The following HIRA variants were observed in gnomAD, a reference collection of about 807,000 sequenced individuals.
HIRA encodes histone cell cycle regulator.
Under a neutral mutation model 126.6 loss-of-function variants are expected in HIRA, and 13 were observed. The observed-to-expected ratio is 0.10, with a 90% CI of 0.07 to 0.16. The LOEUF is 0.16. Ranked by LOEUF, HIRA falls within the 10% of genes least tolerant of loss-of-function variation. The pLI is 1.00. For synonymous variants in HIRA, 511 were observed against 520.0 expected, an observed-to-expected ratio of 0.98 and a Z score of 0.24; for missense variants, 834 against 1,314.4, an observed-to-expected ratio of 0.63 and a Z score of 5.65.
Position 19,353,387 on chromosome 22 carries a change from G to A in HIRA, c.2817C>T (p.Leu939=), listed in dbSNP as rs1569292591. The part of the protein sequence containing the change: ...LQSSHEYRHW[L]LVYARYLVNE... ...TTACGAGGTACCGTGCGTAGACGAG[G>A]AGCCAATGGCGGTACTCGTGGCTGG... Residue 939 remains leucine, a synonymous_variant, in exon 23 of 25, where the codon CTC becomes CTT. Transcript: ENST00000263208. 1 of 1,612,980 alleles carries A rather than the reference G, an allele frequency of 6.2e-7. No homozygotes were observed. The highest frequency in any genetic ancestry group is 2.2e-5 in the East Asian group (1 of 44,880).
chr22:19,363,735 T>C (rs1477384808), intron 15 of HIRA, among the ~76,000 whole-genome samples: 1 of 152,026 alleles, frequency 6.6e-6, no homozygotes, highest in African/African-American at 2.4e-5. Context: ...CCATCTCTAC[T>C]AAAAATACAA....
chr22:19,431,364 T>A (rs962525416), intron 1 of HIRA, 76 bp downstream of exon 1: 3 of 1,517,706 alleles, frequency 2.0e-6, no homozygotes, highest in Non-Finnish European at 2.7e-6. Flanking sequence ...AGGCAGGACT[T>A]GCGCGCGCCC....
chr22:19,422,003 C>T (rs1213390440), intron 1 of HIRA, among the ~76,000 whole-genome samples: 1 of 151,914 alleles, frequency 6.6e-6, no homozygotes, highest in Non-Finnish European at 1.5e-5. Context: ...CCATATTTGA[C>T]CCTACCTTCC....
At position 19,375,745 on chromosome 22, in the gene HIRA, G is replaced by C; in HGVS notation, c.1661C>G (p.Thr554Arg). The C allele has an allele frequency of 6.2e-7, 1 of 1,614,150 alleles. No homozygotes were observed. The highest frequency in any genetic ancestry group is 8.5e-7 in the Non-Finnish European group (1 of 1,180,010). Residue 554 changes from threonine to arginine, a missense_variant, in exon 15 of 25, where the codon ACG becomes AGG. This residue lies in a region of HIRA where 468 missense variants were observed against 574.2 expected (regional missense o/e 0.82). Transcript: ENST00000263208. ...CATGGGTTCGATCTTGGACGGGGTC[G>C]TTAACACAGAAGGTGACAATGCAGC... ...TPAALSPSVL[T>R]TPSKIEPMKA... is the part of the protein sequence containing the mutation.
chr22:19,392,282 C>T (rs2089189199), intron 8 of HIRA, 68 bp from the exon 9 acceptor site: 3 of 924,880 alleles, frequency 3.2e-6, no homozygotes, highest in Non-Finnish European at 5.1e-6. Context: ...TGCCCAAGTC[C>T]CAGCCCACTG....
chr22:19,416,498 C>T (rs1196277704), intron 1 of HIRA, among the ~76,000 whole-genome samples: 9 of 151,870 alleles, frequency 5.9e-5, no homozygotes, highest in African/African-American at 2.2e-4. Context: ...CACCACCACG[C>T]CTGGCTAATT....
At chr22:19,367,038 C>T (rs927855605) in intron 15 of HIRA, among the ~76,000 whole-genome samples, 4 of 152,198 alleles carry the variant, frequency 2.6e-5, no homozygotes, top group Non-Finnish European at 4.4e-5. Context: ...GTTGGGATTA[C>T]AGGTGTGAGC....
At chr22:19,416,603 T>C (rs1187865438) in intron 1 of HIRA, among the ~76,000 whole-genome samples, 1 of 152,152 alleles carries the variant, frequency 6.6e-6, no homozygotes, top group East Asian at 1.9e-4. Flanking sequence ...CGTCCCAAAG[T>C]GCTAGGATTA....
chr22:19,368,041 A>G (rs1249569063), intron 15 of HIRA, among the ~76,000 whole-genome samples: 5 of 152,146 alleles, frequency 3.3e-5, no homozygotes, highest in African/African-American at 7.2e-5. Flanking sequence ...AGGTGCTATC[A>G]CTGATCTTAT....
intron 13 of HIRA, among the ~76,000 whole-genome samples, chr22:19,380,502 G>T (rs1234868566): frequency 6.6e-6 from 1 of 152,122 alleles, no homozygotes; most frequent in African/African-American, 2.4e-5. Flanking sequence ...ACTGTTTTGA[G>T]TTATGACAGC....
chr22:19,352,159 G>A (rs1556011119), intron 23 of HIRA, among the ~76,000 whole-genome samples: 2 of 151,992 alleles, frequency 1.3e-5, no homozygotes, highest in African/African-American at 4.8e-5. Context: ...ACAGAATGGA[G>A]GGTGGGTAAC....
At chr22:19,431,376 G>T in intron 1 of HIRA, 64 bp downstream of exon 1, 1 of 1,563,444 alleles carries the variant, frequency 6.4e-7, no homozygotes, top group South Asian at 1.1e-5. Flanking sequence ...CGCGCGCCCC[G>T]ACTCGACTCC....
chr22:19,366,991 G>A (rs1351047716), intron 15 of HIRA, among the ~76,000 whole-genome samples: 1 of 152,158 alleles, frequency 6.6e-6, no homozygotes, highest in East Asian at 1.9e-4. Flanking sequence ...TTGAGCTCCT[G>A]ACCTCAGATG....
intron 24 of HIRA, among the ~76,000 whole-genome samples, chr22:19,342,883 TG>T (rs2088646933): frequency 6.6e-6 from 1 of 152,212 alleles, no homozygotes; most frequent in African/African-American, 2.4e-5. Context: ...AAAGAAAATG[TG>T]GTATATATAC....
At chr22:19,359,044 G>A (rs562912863) in intron 18 of HIRA, among the ~76,000 whole-genome samples, 1 of 152,288 alleles carries the variant, frequency 6.6e-6, no homozygotes, top group Admixed American at 6.5e-5. Context: ...GAGACTTTGG[G>A]GATCTGGCTG....
At chr22:19,383,808 G>A in intron 12 of HIRA, 103 bp from the exon 13 acceptor site, 1 of 826,242 alleles carries the variant, frequency 1.2e-6, no homozygotes, top group Non-Finnish European at 2.0e-6. Flanking sequence ...AGAACACTAA[G>A]CATAAGATCC....
chr22:19,335,275 C>A lies in HIRA; in HGVS notation c.2938-3719G>T, dbSNP rs118045740. On this transcript the variant is annotated intron_variant, in intron 24 of 24. Transcript: ENST00000263208. ...TTTTTTTTTTTGAGACAGGGTCTTG[C>A]GCTCTGTTGCCCAGGCTGGAGTGCA... Among the ~76,000 whole-genome samples the A allele has an allele frequency of 7.6e-3, 1,151 of 151,458 alleles. 28 individuals are homozygous for A. The highest frequency in any genetic ancestry group is 0.069 in the East Asian group (356 of 5,158).
rs762213339 is a variant in HIRA at position 19,361,898 on chromosome 22, C to T, written c.1809G>A (p.Arg603=). 6.2e-6 allele frequency: 10 copies of T among 1,614,108 alleles called. No individual in the cohort carries two copies. In the African/African-American group the frequency reaches 6.7e-5, roughly 11 times the overall value. ...LKEQNLVKEL[R]PRDLLESSSD... ...TGCTGCTCTCCAGGAGGTCTCGGGG[C>T]CTCAGCTCTTTCACAAGGTTCTGCT... The change falls in exon 16 of 25, where the codon AGG becomes AGA. Residue 603 remains arginine (R), a synonymous_variant. Transcript: ENST00000263208.
intron 18 of HIRA, among the ~76,000 whole-genome samples, chr22:19,357,626 C>G (rs535601846): frequency 6.6e-6 from 1 of 152,224 alleles, no homozygotes; most frequent in Non-Finnish European, 1.5e-5. Flanking sequence ...GGGCCCTGCA[C>G]GAGCAGGCTG....
Sources: allele counts gnomAD v4.1 joint callset (sites outside exome capture counted in the v4.1 genomes callset), GRCh38; gene constraint gnomAD v4.1.1; regional missense constraint gnomAD v4.1.1; transcripts MANE v1.5; gene names NCBI Gene and HGNC (gene_info 2026-07-23, HGNC 2026-07-21).